NRXN1: variants seen among roughly 807,000 people sequenced by gnomAD.
NRXN1 encodes the protein neurexin-1.
A neutral mutation model predicts 150.9 loss-of-function variants in NRXN1; 39 were observed. The ratio of observed to expected loss-of-function variants is 0.26; its 90% CI spans 0.20 to 0.34. NRXN1 has a LOEUF of 0.34. Ranked by LOEUF, NRXN1 falls within the 10% of genes least tolerant of loss-of-function variation. NRXN1 has a pLI of 1.00. For synonymous variants in NRXN1, 924 were observed against 757.0 expected, an observed-to-expected ratio of 1.22 and a Z score of -3.62; for missense variants, 1,815 against 1,949.9, an observed-to-expected ratio of 0.93 and a Z score of 1.30.
chr2:50,934,117 G>A lies in NRXN1; in HGVS notation c.773-8162C>T, dbSNP rs557363209. 2.6e-5 allele frequency among the ~76,000 whole-genome samples: 4 copies of A among 152,130 alleles called. No homozygotes were observed. The East Asian group carries it at 7.7e-4, about 29-fold the overall frequency. On this transcript the variant is annotated intron_variant, in intron 2 of 22. Transcript: ENST00000401669. ...TTCAAAAGCTCCTCCCTAAACATCA[G>A]TACCAGCATGTGTGTATCTCTCTAA...
intron 8 of NRXN1, among the ~76,000 whole-genome samples, chr2:50,567,436 G>A (rs1278230705): frequency 1.3e-5 from 2 of 152,090 alleles, no homozygotes; most frequent in Non-Finnish European, 2.9e-5. Flanking sequence ...GGTCAGGTAA[G>A]TGAGATACTC....
intron 18 of NRXN1, among the ~76,000 whole-genome samples, chr2:50,227,979 A>C (rs2064560588): frequency 6.6e-6 from 1 of 152,042 alleles, no homozygotes; most frequent in Non-Finnish European, 1.5e-5. Flanking sequence ...TACTTTTACA[A>C]CTGTAGATAT....
At chr2:50,229,299 T>C (rs894088501) in intron 18 of NRXN1, among the ~76,000 whole-genome samples, 2 of 147,494 alleles carry the variant, frequency 1.4e-5, no homozygotes, top group African/African-American at 5.1e-5. Context: ...CTGCCATGCA[T>C]TTTGCTTATG....
chr2:50,980,291 G>A (rs890969560), intron 2 of NRXN1, among the ~76,000 whole-genome samples: 12 of 151,916 alleles, frequency 7.9e-5, no homozygotes, highest in African/African-American at 2.2e-4. Flanking sequence ...GGCAAAAACC[G>A]CAATTACTTT....
chr2:50,739,787 T>C (rs1014271872), intron 5 of NRXN1, among the ~76,000 whole-genome samples: 1 of 152,222 alleles, frequency 6.6e-6, no homozygotes, highest in African/African-American at 2.4e-5. Flanking sequence ...AATATGAAGA[T>C]AGGCTAAAGT....
At chr2:51,004,511 CG>C (rs1700461384) in intron 2 of NRXN1, among the ~76,000 whole-genome samples, 2 of 151,716 alleles carry the variant, frequency 1.3e-5, no homozygotes, top group Admixed American at 1.3e-4. Context: ...CTTTAAAGTA[CG>C]TGGTTTTATA....
At chr2:50,514,619 C>T (rs10184212) in intron 12 of NRXN1, among the ~76,000 whole-genome samples, 47,690 of 152,066 alleles carry the variant, frequency 0.31, 8,477 homozygotes, top group Middle Eastern at 0.5. Flanking sequence ...TTCACCATTG[C>T]AACTCTTCAA....
At chr2:49,998,103 T>C (rs1402037563) in intron 21 of NRXN1, among the ~76,000 whole-genome samples, 1 of 152,154 alleles carries the variant, frequency 6.6e-6, no homozygotes, top group Non-Finnish European at 1.5e-5. Context: ...TAAGATACTG[T>C]AGTCTGCATG....
At chr2:50,671,537 A>C (rs1317000873) in intron 5 of NRXN1, among the ~76,000 whole-genome samples, 1 of 151,744 alleles carries the variant, frequency 6.6e-6, no homozygotes, top group Non-Finnish European at 1.5e-5. Flanking sequence ...TCATCCAGTC[A>C]GATAAATCAA....
chr2:50,826,686 A>T (rs1036141239), intron 5 of NRXN1, among the ~76,000 whole-genome samples: 2 of 152,184 alleles, frequency 1.3e-5, no homozygotes, highest in African/African-American at 4.8e-5. Context: ...TATACTAATG[A>T]TATCTATTGA....
At chr2:50,908,090 C>G (rs1243100307) in intron 5 of NRXN1, among the ~76,000 whole-genome samples, 1 of 152,004 alleles carries the variant, frequency 6.6e-6, no homozygotes, top group Non-Finnish European at 1.5e-5. Context: ...CCCTCTAGAA[C>G]AAATACCAAG....
intron 19 of NRXN1, among the ~76,000 whole-genome samples, chr2:50,089,102 A>G (rs1449631276): frequency 1.3e-5 from 2 of 152,210 alleles, no homozygotes; most frequent in African/African-American, 4.8e-5. Flanking sequence ...TTAACCCAGA[A>G]TTTCCCAAAC....
At chr2:50,695,338 T>C (rs557512787) in intron 5 of NRXN1, among the ~76,000 whole-genome samples, 1 of 152,300 alleles carries the variant, frequency 6.6e-6, no homozygotes, top group African/African-American at 2.4e-5. Context: ...GCATCAAGCT[T>C]TGCTAAATAA....
Position 50,239,662 on chromosome 2 carries a change from GTATATATATATATATATATATATA to G in NRXN1, c.3365-2716_3365-2693del, listed in dbSNP as rs59505952. Among the ~76,000 whole-genome samples the G allele has an allele frequency of 5.3e-3, 249 of 47,286 alleles. 5 individuals are homozygous for G. The highest frequency in any genetic ancestry group is 0.015 in the South Asian group (14 of 936). The allele number at this position is 47,286 out of a possible 152,430, so 31.0% of individuals were successfully genotyped here. ...AACCCATATCCTGATACCTATTCCAGTATATATATATATATATATATATATATATATATATATATATATATATAT... is the reference window on the plus strand; with the variant it reads ...AACCCATATCCTGATACCTATTCCAGTATATATATATATATATATATATAT... On this transcript the variant is annotated intron_variant, in intron 17 of 22. Coordinates refer to ENST00000401669, the MANE Select transcript of NRXN1 (RefSeq NM_001330078.2).
intron 5 of NRXN1, among the ~76,000 whole-genome samples, chr2:50,814,557 C>T (rs1574568833): frequency 6.6e-6 from 1 of 152,088 alleles, no homozygotes; most frequent in Admixed American, 6.6e-5. Flanking sequence ...GGGAGTATAT[C>T]ATACCACATG....
At chr2:51,015,730 A>C (rs1049494624) in intron 2 of NRXN1, among the ~76,000 whole-genome samples, 4 of 152,094 alleles carry the variant, frequency 2.6e-5, no homozygotes, top group Admixed American at 2.0e-4. Context: ...TTTTAATCCA[A>C]CCATTTTTAA....
intron 17 of NRXN1, among the ~76,000 whole-genome samples, chr2:50,390,833 G>A (rs912032226): frequency 1.3e-5 from 2 of 151,928 alleles, no homozygotes; most frequent in Non-Finnish European, 2.9e-5. Flanking sequence ...TTTGGACTTC[G>A]CAGCCACCAG....
intron 17 of NRXN1, among the ~76,000 whole-genome samples, chr2:50,383,765 C>T (rs753277115): frequency 2.0e-5 from 3 of 152,026 alleles, no homozygotes; most frequent in African/African-American, 4.8e-5. Flanking sequence ...AATTCTTGAG[C>T]GGAATGATCC....
chr2:50,916,159 C>G (rs1376649747), intron 5 of NRXN1, among the ~76,000 whole-genome samples: 1 of 150,058 alleles, frequency 6.7e-6, no homozygotes, highest in Admixed American at 6.7e-5. Flanking sequence ...GAAGAAAAAT[C>G]TTTGAAGTCT....
Sources: gnomAD v4.1 joint callset for allele counts (sites outside exome capture counted in the v4.1 genomes callset) on GRCh38, gnomAD v4.1.1 for gene constraint, MANE v1.5 for transcripts, NCBI Gene and HGNC (gene_info 2026-07-23, HGNC 2026-07-21) for gene names.